The following SLC71A2 variants were observed in gnomAD, a reference collection of about 807,000 sequenced individuals.
The protein encoded by SLC71A2 is solute carrier family 71 member 2, also known as hippocampus abundant transcript-like 1.
chr9:94,400,101 C>T, the SLC71A2 span, among the ~76,000 whole-genome samples: 6 of 151,998 alleles, frequency 3.9e-5, no homozygotes, highest in Non-Finnish European at 8.8e-5. Context: ...AGAGCCACTG[C>T]GCCCGGCCAG....
the SLC71A2 span, among the ~76,000 whole-genome samples, chr9:94,380,249 C>T: frequency 1.3e-4 from 20 of 151,758 alleles, no homozygotes; most frequent in African/African-American, 4.1e-4. Context: ...CCAGCCTGGG[C>T]GACAGAGCGA....
chr9:94,390,120 A>C, the SLC71A2 span, among the ~76,000 whole-genome samples: 1 of 152,154 alleles, frequency 6.6e-6, no homozygotes, highest in Non-Finnish European at 1.5e-5. Context: ...AGGCTGAGGC[A>C]GGAGAATGGC....
At chr9:94,434,282 T>C in the SLC71A2 span, among the ~76,000 whole-genome samples, 1 of 152,164 alleles carries the variant, frequency 6.6e-6, no homozygotes, top group African/African-American at 2.4e-5. Context: ...ATCCTACCAG[T>C]GGCTGAATAG....
chr9:94,435,221 T>C, the SLC71A2 span, among the ~76,000 whole-genome samples: 1 of 152,208 alleles, frequency 6.6e-6, no homozygotes, highest in East Asian at 1.9e-4. Flanking sequence ...GCAATACCTT[T>C]TCCACCATCT....
the SLC71A2 span, among the ~76,000 whole-genome samples, chr9:94,440,432 A>G: frequency 3.3e-5 from 5 of 152,056 alleles, no homozygotes; most frequent in South Asian, 1.0e-3. Flanking sequence ...AAAATGAATA[A>G]TTATATTAAT....
the SLC71A2 span, among the ~76,000 whole-genome samples, chr9:94,417,790 T>C: frequency 0.022 from 3,312 of 151,750 alleles, 126 homozygotes; most frequent in African/African-American, 0.076. Flanking sequence ...TTGACCATTA[T>C]TTCTTCAAAT....
At chr9:94,426,650 C>G in the SLC71A2 span, among the ~76,000 whole-genome samples, 1 of 152,098 alleles carries the variant, frequency 6.6e-6, no homozygotes, top group Non-Finnish European at 1.5e-5. Context: ...CTTTGTTGTA[C>G]TGGAAGACAG....
chr9:94,444,132 T>C, the SLC71A2 span, among the ~76,000 whole-genome samples: 8 of 152,356 alleles, frequency 5.3e-5, no homozygotes, highest in South Asian at 6.2e-4. Context: ...AGCTAACTTA[T>C]AGATATGCAT....
chr9:94,409,697 T>C, the SLC71A2 span, among the ~76,000 whole-genome samples: 1 of 152,120 alleles, frequency 6.6e-6, no homozygotes, highest in African/African-American at 2.4e-5. Flanking sequence ...TTTTGTAACT[T>C]TCCTTGTGAT....
At chr9:94,455,899 T>TA in the SLC71A2 span, among the ~76,000 whole-genome samples, 5 of 152,060 alleles carry the variant, frequency 3.3e-5, no homozygotes, top group South Asian at 4.1e-4. Context: ...GGAGAAAATG[T>TA]GGTATTTATA....
At chr9:94,400,215 C>T in the SLC71A2 span, among the ~76,000 whole-genome samples, 2 of 149,436 alleles carry the variant, frequency 1.3e-5, no homozygotes, top group African/African-American at 5.1e-5. Context: ...GTTTATGTAC[C>T]GAAAAAAGGA....
chr9:94,455,023 C>T, the SLC71A2 span, among the ~76,000 whole-genome samples: 1 of 152,152 alleles, frequency 6.6e-6, no homozygotes, highest in South Asian at 2.1e-4. Context: ...TAGAGCTGGT[C>T]CTTACTTTGG....
the SLC71A2 span, chr9:94,415,299 A>C: frequency 7.4e-6 from 10 of 1,353,298 alleles, 1 homozygote; most frequent in Non-Finnish European, 1.1e-5. Flanking sequence ...AGAAAGAGAT[A>C]AGTTCTTAGG....
the SLC71A2 span, chr9:94,458,493 A>C: frequency 6.2e-7 from 1 of 1,609,128 alleles, no homozygotes; most frequent in Admixed American, 1.7e-5. Context: ...TAGTTTTGTA[A>C]CAACAATTAT....
At chr9:94,433,630 TTC>T in the SLC71A2 span, among the ~76,000 whole-genome samples, 1 of 151,670 alleles carries the variant, frequency 6.6e-6, no homozygotes, top group Non-Finnish European at 1.5e-5. Context: ...TTTACAGACT[TTC>T]TGTTTCCAGT....
chr9:94,435,801 C>A, the SLC71A2 span, among the ~76,000 whole-genome samples: 1 of 151,814 alleles, frequency 6.6e-6, no homozygotes, highest in African/African-American at 2.4e-5. Flanking sequence ...ATTAGAGGTG[C>A]GCACCACCAT....
the SLC71A2 span, among the ~76,000 whole-genome samples, chr9:94,386,597 CTT>C: frequency 6.6e-6 from 1 of 152,188 alleles, no homozygotes; most frequent in Non-Finnish European, 1.5e-5. Flanking sequence ...CTCTCTCTCT[CTT>C]CCCTCCATTA....
At chr9:94,429,043 T>G in the SLC71A2 span, 6 of 1,201,040 alleles carry the variant, frequency 5.0e-6, no homozygotes, top group South Asian at 7.5e-5. Flanking sequence ...GTACCACAGT[T>G]TGTTTGTTTA....
chr9:94,409,160 G>T, the SLC71A2 span, among the ~76,000 whole-genome samples: 1 of 66,610 alleles, frequency 1.5e-5, no homozygotes, highest in African/African-American at 5.9e-5. Context: ...TTTTTTTAAG[G>T]CAAGGTTTCA....
Sources: gnomAD v4.1 joint callset for allele counts (sites outside exome capture counted in the v4.1 genomes callset) on GRCh38, gnomAD v4.1.1 for gene constraint, MANE v1.5 for transcripts, NCBI Gene and HGNC (gene_info 2026-07-23, HGNC 2026-07-21) for gene names.